CRADD: variants seen among roughly 807,000 people sequenced by gnomAD.
CRADD encodes death domain-containing protein CRADD.
Under a neutral mutation model 15.5 loss-of-function variants are expected in CRADD, and 9 were observed. The ratio of observed to expected loss-of-function variants is 0.58; its 90% CI spans 0.35 to 1.01. The LOEUF is 1.01. Among genes scored for constraint, CRADD ranks in the 50% least tolerant of loss-of-function variants. The probability of loss-of-function intolerance (pLI) is 0.02; values close to 1 mark genes in which losing one functional copy is unlikely to be tolerated. For synonymous variants in CRADD, 118 were observed against 107.6 expected, an observed-to-expected ratio of 1.10 and a Z score of -0.60; for missense variants, 227 against 250.3, an observed-to-expected ratio of 0.91 and a Z score of 0.63.
At chr12:93,856,457 A>G (rs991221975) in intron 2 of CRADD, among the ~76,000 whole-genome samples, 3 of 152,242 alleles carry the variant, frequency 2.0e-5, no homozygotes, top group African/African-American at 7.2e-5. Flanking sequence ...ACCACCAGCA[A>G]CTATGGCAAG....
At chr12:93,891,716 C>G (rs1783189394) in intron 2 of CRADD, among the ~76,000 whole-genome samples, 1 of 152,166 alleles carries the variant, frequency 6.6e-6, no homozygotes, top group Non-Finnish European at 1.5e-5. Context: ...AACTGAGGCT[C>G]AGAGAGGTTG....
chr12:93,794,299 G>A (rs541933050), intron 2 of CRADD, among the ~76,000 whole-genome samples: 3 of 152,138 alleles, frequency 2.0e-5, no homozygotes, highest in East Asian at 3.9e-4. Flanking sequence ...AACATCTGTA[G>A]CCCTGACTTC....
intron 2 of CRADD, among the ~76,000 whole-genome samples, chr12:93,701,180 A>G (rs1442906724): frequency 2.6e-5 from 4 of 152,242 alleles, no homozygotes. Context: ...TAGATTTGGC[A>G]ACATTTAACA....
At chr12:93,807,007 G>A (rs1957547017) in intron 2 of CRADD, among the ~76,000 whole-genome samples, 1 of 152,110 alleles carries the variant, frequency 6.6e-6, no homozygotes. Flanking sequence ...GCAGGACAGG[G>A]AGAGACAGAA....
At chr12:93,834,650 G>A (rs1411572776) in intron 2 of CRADD, among the ~76,000 whole-genome samples, 1 of 152,074 alleles carries the variant, frequency 6.6e-6, no homozygotes, top group African/African-American at 2.4e-5. Context: ...CACCACATCC[G>A]GCTAATTTTG....
intron 2 of CRADD, among the ~76,000 whole-genome samples, chr12:93,744,134 G>T (rs999466459): frequency 2.0e-5 from 3 of 152,126 alleles, no homozygotes; most frequent in African/African-American, 4.8e-5. Context: ...CAGAAGCTTG[G>T]CACAGGATGG....
intron 2 of CRADD, among the ~76,000 whole-genome samples, chr12:93,814,930 A>G (rs1200623771): frequency 6.6e-6 from 1 of 152,192 alleles, no homozygotes; most frequent in Non-Finnish European, 1.5e-5. Flanking sequence ...CATTTTGCTC[A>G]AATTATGCAG....
At chr12:93,769,652 CTTGGT>C (rs1441067428) in intron 2 of CRADD, among the ~76,000 whole-genome samples, 1 of 152,212 alleles carries the variant, frequency 6.6e-6, no homozygotes, top group Non-Finnish European at 1.5e-5. Context: ...TTTGGCAACA[CTTGGT>C]TTGGTCTGTC....
chr12:93,888,154 G>A (rs1342117272), intron 2 of CRADD, among the ~76,000 whole-genome samples: 2 of 152,082 alleles, frequency 1.3e-5, no homozygotes, highest in Admixed American at 6.5e-5. Flanking sequence ...GGCCGGGCGC[G>A]GTGGCTTATG....
intron 2 of CRADD, among the ~76,000 whole-genome samples, chr12:93,841,998 A>T (rs1958053371): frequency 2.0e-5 from 3 of 151,724 alleles, no homozygotes; most frequent in Admixed American, 2.0e-4. Context: ...CGTCGTAAAT[A>T]AAAAAAAATA....
At chr12:93,832,014 A>T (rs1957909728) in intron 2 of CRADD, among the ~76,000 whole-genome samples, 1 of 152,224 alleles carries the variant, frequency 6.6e-6, no homozygotes, top group Non-Finnish European at 1.5e-5. Flanking sequence ...TTTCCTTCTG[A>T]ACAGCATTAT....
intron 2 of CRADD, among the ~76,000 whole-genome samples, chr12:93,842,090 C>A (rs1958055203): frequency 6.6e-6 from 1 of 151,426 alleles, no homozygotes; most frequent in African/African-American, 2.4e-5. Context: ...TTTTTTGACT[C>A]TTCCAGCAGC....
chr12:93,833,770 T>A (rs1175596359), intron 2 of CRADD, among the ~76,000 whole-genome samples: 1 of 152,090 alleles, frequency 6.6e-6, no homozygotes, highest in Non-Finnish European at 1.5e-5. Context: ...TGTTATTTTT[T>A]CCCCCTCTAT....
At chr12:93,892,402 C>A (rs972746379) in intron 2 of CRADD, among the ~76,000 whole-genome samples, 1 of 152,234 alleles carries the variant, frequency 6.6e-6, no homozygotes, top group Admixed American at 6.5e-5. Context: ...ACTGATCTCA[C>A]CCCGATCCCA....
intron 2 of CRADD, among the ~76,000 whole-genome samples, chr12:93,791,329 A>ATGCAC (rs1957346987): frequency 6.6e-6 from 1 of 152,132 alleles, no homozygotes; most frequent in African/African-American, 2.4e-5. Context: ...ACAATGGAAT[A>ATGCAC]CTATTCAGCC....
chr12:93,767,275 C>T (rs1165129498), intron 2 of CRADD, among the ~76,000 whole-genome samples: 1 of 152,228 alleles, frequency 6.6e-6, no homozygotes, highest in Admixed American at 6.5e-5. Flanking sequence ...TTCTATTCTT[C>T]ACTTCCTTTA....
chr12:93,850,464 G>T lies in CRADD; in HGVS notation c.*193G>T. On this transcript the variant is annotated 3_prime_UTR_variant, in exon 3 of 3. Coordinates refer to ENST00000332896, the MANE Select transcript of CRADD (RefSeq NM_003805.5). The surrounding 1 kb of genome is among the most constrained non-coding windows in gnomAD (Gnocchi z 4.0). ...ATTACTCAGCAGATCTCCCATGTTG[G>T]CTCAACAATTCTTTGTTTTTAATTG... 2 of 1,326,492 alleles carry T rather than the reference G, an allele frequency of 1.5e-6. No homozygotes were observed. Among genetic ancestry groups the T allele is most frequent in the Non-Finnish European group, 9.6e-7 (1 of 1,044,962 alleles). 82.2% of individuals were successfully genotyped at this position (1,326,492 alleles called of 1,614,324 possible).
At chr12:93,736,638 G>A (rs1484380471) in intron 2 of CRADD, among the ~76,000 whole-genome samples, 1 of 152,154 alleles carries the variant, frequency 6.6e-6, no homozygotes, top group East Asian at 1.9e-4. Context: ...GATGTGACTA[G>A]GGGTAGGCTA....
rs766378635 is a variant in CRADD at position 93,858,479 on chromosome 12, G to A, written c.299-35571G>A. Among the ~76,000 whole-genome samples, 159 of 152,186 alleles carry A rather than the reference G, an allele frequency of 1.0e-3. 2 individuals carry two copies. Among genetic ancestry groups the A allele is most frequent in the Non-Finnish European group, 3.4e-4 (23 of 68,042 alleles). On this transcript the variant is annotated intron_variant, in intron 2 of 2. Coordinates refer to the CRADD transcript ENST00000548483. ...TTTTAGAGTACAAGACTTAGATTAA[G>A]TTCAACATTGTCAGTCCTCCCTTTT...
Sources: allele counts gnomAD v4.1 joint callset (sites outside exome capture counted in the v4.1 genomes callset), GRCh38; gene constraint gnomAD v4.1.1; non-coding constraint Gnocchi (gnomAD v3.1); transcripts MANE v1.5; gene names NCBI Gene and HGNC (gene_info 2026-07-23, HGNC 2026-07-21).